The following UBN2 variants were observed in gnomAD, a reference collection of about 807,000 sequenced individuals.
UBN2 encodes ubinuclein 2, also known as ubinuclein-2.
UBN2 carries 35 observed loss-of-function variants against 120.2 expected under a neutral mutation model. The ratio of observed to expected loss-of-function variants is 0.29; its 90% CI spans 0.22 to 0.39. The LOEUF (loss-of-function observed/expected upper bound fraction) is 0.39, where lower values mean the gene tolerates loss of function less well. Among genes scored for constraint, UBN2 ranks in the 10% least tolerant of loss-of-function variants. The pLI, the probability that UBN2 is intolerant of heterozygous loss-of-function variation, is 1.00. For missense variants in UBN2, 1,693 were observed against 1,663.2 expected (o/e 1.02, Z -0.31); for synonymous variants, 661 against 648.7 (o/e 1.02, Z -0.29).
At chr7:139,279,855 C>CCTTCAAA (rs1465868732) in intron 13 of UBN2, among the ~76,000 whole-genome samples, 1 of 152,142 alleles carries the variant, frequency 6.6e-6, no homozygotes, top group Non-Finnish European at 1.5e-5. Context: ...TAAAGCTGGA[C>CCTTCAAA]CTTCAAACAA....
chr7:139,263,360 A>G (rs1056654938), intron 6 of UBN2, among the ~76,000 whole-genome samples: 2 of 152,186 alleles, frequency 1.3e-5, no homozygotes, highest in Non-Finnish European at 2.9e-5. Context: ...CCTACCCTCA[A>G]GGAGCTTATT....
intron 1 of UBN2, among the ~76,000 whole-genome samples, chr7:139,233,784 T>C (rs1796090979): frequency 6.6e-6 from 1 of 152,114 alleles, no homozygotes; most frequent in Non-Finnish European, 1.5e-5. Flanking sequence ...CATTTAATTA[T>C]AAAAAGAAAA....
chr7:139,286,611 T>C (rs890308245), intron 15 of UBN2, among the ~76,000 whole-genome samples: 1 of 152,190 alleles, frequency 6.6e-6, no homozygotes, highest in Non-Finnish European at 1.5e-5. Context: ...TTCAACAAAA[T>C]GTGTTTTGTA....
At position 139,231,267 on chromosome 7, in the gene UBN2, G is replaced by A. The variant is rs1296368311; in HGVS notation, c.-218G>A. 1.3e-5 allele frequency among the ~76,000 whole-genome samples: 2 copies of A among 152,264 alleles called. No homozygotes were observed. Among genetic ancestry groups the A allele is most frequent in the South Asian group, 2.1e-4 (1 of 4,838 alleles). On this transcript the variant is annotated 5_prime_UTR_variant, in exon 1 of 18. It removes an upstream start codon present in the reference 5' UTR. Coordinates refer to ENST00000473989, the MANE Select transcript of UBN2 (RefSeq NM_173569.4). ...TCTATTTATGTGGGGGATCCAACATGGCGGCCGCGGCGACCCTGGCGATGG... is the reference window on the plus strand; with the variant it reads ...TCTATTTATGTGGGGGATCCAACATAGCGGCCGCGGCGACCCTGGCGATGG...
intron 10 of UBN2, 130 bp downstream of exon 10, chr7:139,273,540 C>T (rs547133561): frequency 8.4e-6 from 5 of 594,984 alleles, no homozygotes; most frequent in Non-Finnish European, 1.4e-5. Flanking sequence ...AAAAATTATT[C>T]AAGAGAAGAT....
intron 5 of UBN2, among the ~76,000 whole-genome samples, chr7:139,260,627 A>G (rs998991194): frequency 6.6e-6 from 1 of 152,150 alleles, no homozygotes; most frequent in African/African-American, 2.4e-5. Flanking sequence ...ATCAATATCC[A>G]TAAGATTGAT....
chr7:139,287,787 A>G (rs1212709625), intron 15 of UBN2, among the ~76,000 whole-genome samples: 5 of 151,296 alleles, frequency 3.3e-5, no homozygotes, highest in Non-Finnish European at 4.5e-5. Flanking sequence ...TAGCGTCTCA[A>G]TAAAGTCTTA....
At chr7:139,269,092 C>T (rs983952760) in intron 7 of UBN2, among the ~76,000 whole-genome samples, 2 of 152,020 alleles carry the variant, frequency 1.3e-5, no homozygotes, top group African/African-American at 4.8e-5. Flanking sequence ...GCCTGTAATC[C>T]TGGCTACCTG....
chr7:139,261,199 A>C (rs1398620065), intron 5 of UBN2, 53 bp from the exon 6 acceptor site: 12 of 1,524,684 alleles, frequency 7.9e-6, no homozygotes, highest in Non-Finnish European at 9.6e-6. Flanking sequence ...TTTATGTGAC[A>C]CTTTAACGTT....
intron 15 of UBN2, among the ~76,000 whole-genome samples, chr7:139,288,387 G>A: frequency 6.6e-6 from 1 of 152,120 alleles, no homozygotes; most frequent in East Asian, 1.9e-4. Context: ...GTAGAGAAGA[G>A]GGGGAAAATA....
rs370408558 is a variant in UBN2, at chr7:139,273,467, T to TAA, written c.1829+65_1829+66dup. On this transcript the variant is annotated intron_variant, in intron 10 of 17. Coordinates refer to ENST00000473989, the MANE Select transcript of UBN2 (RefSeq NM_173569.4). ...ATAATGCAGAAGTAAGATTCCTCAT[T>TAA]AAAAAAAAATCTATAATAAATATAA... is the stretch of plus-strand genomic sequence containing the variant. 37 of 1,142,960 alleles carry TAA rather than the reference T, an allele frequency of 3.2e-5. No homozygotes were observed. The African/African-American group carries it at 4.8e-4, about 15-fold the overall frequency. 70.8% of individuals were successfully genotyped at this position (1,142,960 alleles called of 1,614,324 possible).
intron 5 of UBN2, among the ~76,000 whole-genome samples, chr7:139,260,027 C>T (rs1308904753): frequency 6.6e-6 from 1 of 152,102 alleles, no homozygotes; most frequent in Admixed American, 6.5e-5. Flanking sequence ...CCTCAGCCTC[C>T]CAAAGTGCTC....
chr7:139,242,732 T>C (rs1361728222), intron 2 of UBN2, among the ~76,000 whole-genome samples: 1 of 152,224 alleles, frequency 6.6e-6, no homozygotes, highest in African/African-American at 2.4e-5. Context: ...CAATTGAGAA[T>C]CAGCAGTTTT....
chr7:139,244,107 T>A (rs1796395821), intron 2 of UBN2, among the ~76,000 whole-genome samples: 1 of 152,202 alleles, frequency 6.6e-6, no homozygotes, highest in South Asian at 2.1e-4. Context: ...AGGTCACTCC[T>A]TAGAGACACT....
intron 16 of UBN2, 169 bp from the exon 17 acceptor site, chr7:139,293,720 G>C: frequency 1.5e-6 from 1 of 666,238 alleles, no homozygotes; most frequent in East Asian, 2.7e-5. Context: ...GTTGGGTTAT[G>C]TGCATACACA....
chr7:139,304,951 GC>G lies in UBN2; in HGVS notation c.*7116del, dbSNP rs1377628424. 6.6e-6 allele frequency: 1 copy of G among 152,038 alleles called. No individual in the cohort carries two copies. The highest frequency in any genetic ancestry group is 1.9e-4 in the East Asian group (1 of 5,182). The allele number at this position is 152,038 out of a possible 1,614,324, so 9.4% of individuals were successfully genotyped here. On this transcript the variant is annotated 3_prime_UTR_variant, in exon 18 of 18. Transcript: ENST00000473989. ...GTTCTTCTAGGGAAAATTAACAGAA[GC>G]ATAAAATAGAGATACTTTGTGTGTT...
chr7:139,237,222 A>G, intron 2 of UBN2, 125 bp downstream of exon 2: 1 of 515,656 alleles, frequency 1.9e-6, no homozygotes, highest in Non-Finnish European at 3.6e-6. Context: ...AATGGAAACC[A>G]AATGAATGGT....
At chr7:139,278,644 G>A (rs553504214) in intron 12 of UBN2, among the ~76,000 whole-genome samples, 17 of 151,622 alleles carry the variant, frequency 1.1e-4, no homozygotes, top group African/African-American at 3.9e-4. Context: ...GAAAATTACT[G>A]TTGCCTAAAT....
Position 139,231,829 on chromosome 7 carries a change from G to A in UBN2, c.345G>A (p.Arg115=). The change falls in exon 1 of 18, where the codon CGG becomes CGA. Residue 115 remains arginine, a synonymous_variant. Transcript: ENST00000473989. The part of the protein sequence containing the change: ...QPPPPRESAS[R]AEQPPRPPRE... ...CCCCGCCGCGGGAGTCGGCTTCCCG[G>A]GCTGAGCAGCCGCCGCGGCCGCCGA... The A allele has an allele frequency of 6.6e-7, 1 of 1,517,956 alleles. No individual in the cohort carries two copies. Among genetic ancestry groups the A allele is most frequent in the Non-Finnish European group, 8.8e-7 (1 of 1,139,310 alleles). The allele number at this position is 1,517,956 out of a possible 1,614,324, so 94.0% of individuals were successfully genotyped here. A position where few individuals can be genotyped will look rare whatever the true frequency, so the allele number is the denominator to read the frequency against.
Sources: allele counts gnomAD v4.1 joint callset (sites outside exome capture counted in the v4.1 genomes callset), GRCh38; gene constraint gnomAD v4.1.1; transcripts MANE v1.5; gene names NCBI Gene and HGNC (gene_info 2026-07-23, HGNC 2026-07-21).